Variants in DCAF5 observed in about 807,000 individuals in gnomAD.
DCAF5 encodes DDB1 and CUL4 associated factor 5, also known as DDB1- and CUL4-associated factor 5.
A neutral mutation model predicts 80.7 loss-of-function variants in DCAF5; 9 were observed. The observed-to-expected ratio is 0.11, with a 90% CI of 0.07 to 0.19. The LOEUF is 0.19. Ranked by LOEUF, DCAF5 falls within the 10% of genes least tolerant of loss-of-function variation. DCAF5 has a pLI of 1.00. For synonymous variants in DCAF5, 433 were observed against 461.9 expected (o/e 0.94, Z 0.80); for missense variants, 842 against 1,205.7 (o/e 0.70, Z 4.47).
chr14:69,149,102 G>A (rs959013741), intron 1 of DCAF5, among the ~76,000 whole-genome samples: 4 of 152,196 alleles, frequency 2.6e-5, no homozygotes, highest in African/African-American at 7.2e-5. Context: ...GAGGCCTGGC[G>A]CTCTGTTCAG....
At chr14:69,079,450 T>C (rs61267160) in intron 6 of DCAF5, among the ~76,000 whole-genome samples, 306 of 152,266 alleles carry the variant, frequency 2.0e-3, no homozygotes, top group African/African-American at 7.0e-3. Context: ...CAGCTAGGGA[T>C]GATTTTTAGG....
rs2037797223 is a variant in DCAF5 at position 69,052,594 on chromosome 14, C to T, written c.*1263G>A. Reference sequence around the variant, plus strand: ...TGAAAATCTGTTGCTCTTTTCTCTTCTAAACCTGTATCTACCTCAATAAAA... The same window carrying T: ...TGAAAATCTGTTGCTCTTTTCTCTTTTAAACCTGTATCTACCTCAATAAAA... On this transcript the variant is annotated 3_prime_UTR_variant, in exon 9 of 9. Transcript: ENST00000341516. 1 of 152,600 alleles carries T rather than the reference C, an allele frequency of 6.6e-6. No individual in the cohort carries two copies. Among genetic ancestry groups the T allele is most frequent in the Non-Finnish European group, 1.5e-5 (1 of 68,042 alleles). 9.5% of individuals were successfully genotyped at this position (152,600 alleles called of 1,614,324 possible).
chr14:69,118,135 C>T lies in DCAF5; in HGVS notation c.535+4G>A. 1 of 1,613,810 alleles carries T rather than the reference C, an allele frequency of 6.2e-7. No homozygotes were observed. Among genetic ancestry groups the T allele is most frequent in the Non-Finnish European group, 8.5e-7 (1 of 1,179,782 alleles). ...TCCAACAGTCATTTGCACAGTGAGC[C>T]TACCTCCATGGGGGGATTCCCGAAT... On this transcript the variant is annotated splice_donor_region_variant and intron_variant, in intron 4 of 8. Transcript: ENST00000341516. This position sits in a 1 kb window ranked among gnomAD's most constrained non-coding sequence, Gnocchi z 4.0.
At chr14:69,119,923 G>C (rs1003347298) in intron 2 of DCAF5, among the ~76,000 whole-genome samples, 3 of 152,112 alleles carry the variant, frequency 2.0e-5, no homozygotes, top group African/African-American at 7.2e-5. Context: ...TAGAGTAACT[G>C]TAAGCATAAG....
At chr14:69,078,928 T>C (rs1313491313) in intron 6 of DCAF5, among the ~76,000 whole-genome samples, 1 of 152,102 alleles carries the variant, frequency 6.6e-6, no homozygotes, top group African/African-American at 2.4e-5. Context: ...AGTGGTGCAA[T>C]CTCGGCTCAC....
Position 69,136,020 on chromosome 14 carries a change from C to T in DCAF5, c.215-13660G>A, listed in dbSNP as rs528332545. Among the ~76,000 whole-genome samples, 6 of 151,794 alleles carry T rather than the reference C, an allele frequency of 4.0e-5. No individual in the cohort carries two copies. In the South Asian group the frequency reaches 1.0e-3, roughly 26 times the overall value. ...TACATTGCAACTAATCTTTAAGAAA[C>T]TTCTACTTGTTTTGGTACAGTATTA... On this transcript the variant is annotated intron_variant, in intron 1 of 8. Coordinates refer to ENST00000341516, the MANE Select transcript of DCAF5 (RefSeq NM_003861.3).
intron 6 of DCAF5, among the ~76,000 whole-genome samples, chr14:69,077,962 G>C (rs984434023): frequency 6.6e-6 from 1 of 152,176 alleles, no homozygotes; most frequent in African/African-American, 2.4e-5. Flanking sequence ...CAAAATGAGA[G>C]AACTGGACTG....
intron 1 of DCAF5, 126 bp from the exon 2 acceptor site, chr14:69,122,486 G>C: frequency 9.9e-7 from 1 of 1,005,790 alleles, no homozygotes; most frequent in Non-Finnish European, 1.4e-6. Flanking sequence ...GATTCGCATG[G>C]AGCACAAAAA....
chr14:69,092,385 G>C (rs139932437), intron 5 of DCAF5, among the ~76,000 whole-genome samples: 1 of 152,190 alleles, frequency 6.6e-6, no homozygotes. Flanking sequence ...GGGAGTCTGA[G>C]GCAGGAGGAT....
intron 1 of DCAF5, among the ~76,000 whole-genome samples, chr14:69,131,155 T>G (rs1434295203): frequency 6.6e-6 from 1 of 152,198 alleles, no homozygotes; most frequent in East Asian, 1.9e-4. Flanking sequence ...ATACACAAAT[T>G]TATACATACA....
chr14:69,072,073 A>G (rs2038714971), intron 7 of DCAF5, among the ~76,000 whole-genome samples: 1 of 152,210 alleles, frequency 6.6e-6, no homozygotes, highest in Non-Finnish European at 1.5e-5. Context: ...AAAAGTCTTC[A>G]TATAGATCTG....
rs1336416909 is a variant in DCAF5, at chr14:69,054,902, C to T, written c.1784G>A (p.Arg595Gln). 14 of 1,614,050 alleles carry T rather than the reference C, an allele frequency of 8.7e-6. No homozygotes were observed. The highest frequency in any genetic ancestry group is 6.7e-5 in the Admixed American group (4 of 59,998). The stretch of plus-strand genomic sequence containing the variant: ...GATTGGGGCACTGGGCTTGTCTTCT[C>T]GGGTTGTCTTCTGTCGGCGCCGCAT... ...NAMRRRQKTT[R>Q]EDKPSAPIKP... The change falls in exon 9 of 9, where the codon CGA becomes CAA. Residue 595 changes from arginine (R) to glutamine (Q), a missense_variant. Physicochemically the swap from Arg to Gln is conservative, Grantham distance 43 (BLOSUM62 1). This residue lies in a region of DCAF5 where 607 missense variants were observed against 656.6 expected (regional missense o/e 0.92). Transcript: ENST00000341516.
chr14:69,123,518 T>A (rs2040788144), intron 1 of DCAF5, among the ~76,000 whole-genome samples: 1 of 151,964 alleles, frequency 6.6e-6, no homozygotes, highest in African/African-American at 2.4e-5. Flanking sequence ...GGTGGTAAAA[T>A]ATATATATAT....
chr14:69,145,879 T>G (rs1171391170), intron 1 of DCAF5, among the ~76,000 whole-genome samples: 1 of 152,248 alleles, frequency 6.6e-6, no homozygotes, highest in Non-Finnish European at 1.5e-5. Context: ...TAAAATTAAG[T>G]GCCATGTTTA....
chr14:69,124,406 T>C (rs907149129), intron 1 of DCAF5, among the ~76,000 whole-genome samples: 2 of 152,200 alleles, frequency 1.3e-5, no homozygotes, highest in Admixed American at 6.5e-5. Context: ...TTTCTTCTTA[T>C]AATAAAAAAT....
chr14:69,150,076 T>C (rs1036829328), intron 1 of DCAF5, among the ~76,000 whole-genome samples: 3 of 152,086 alleles, frequency 2.0e-5, no homozygotes, highest in African/African-American at 7.2e-5. Flanking sequence ...GGAAGGTAAA[T>C]AGCTAAAAAG....
intron 6 of DCAF5, among the ~76,000 whole-genome samples, chr14:69,085,884 T>C (rs2039298711): frequency 6.6e-6 from 1 of 152,196 alleles, no homozygotes; most frequent in African/African-American, 2.4e-5. Flanking sequence ...CATTGCTTGA[T>C]CTCTATAACA....
At chr14:69,137,021 TA>T (rs2041216127) in intron 1 of DCAF5, among the ~76,000 whole-genome samples, 1 of 152,238 alleles carries the variant, frequency 6.6e-6, no homozygotes, top group Non-Finnish European at 1.5e-5. Context: ...TCATCCTGAA[TA>T]AGTGGAATTA....
rs575827797 is a variant in DCAF5 at position 69,054,842 on chromosome 14, T to C, written c.1844A>G (p.Tyr615Cys). The C allele has an allele frequency of 1.9e-5, 30 of 1,614,174 alleles. No homozygotes were observed. The Admixed American group carries it at 4.2e-4, about 22-fold the overall frequency. The change falls in exon 9 of 9, where the codon TAT (tyrosine) becomes TGT (cysteine). Residue 615 changes from tyrosine (Y) to cysteine (C), a missense_variant. By Grantham distance (194) the Tyr-to-Cys change is radical. Around this residue, in one of 5 missense-constraint regions of DCAF5, gnomAD observed 607 missense variants for 656.6 expected, o/e 0.92. Coordinates refer to ENST00000341516, the MANE Select transcript of DCAF5 (RefSeq NM_003861.3). ...PTNTYIGEDN[Y>C]DYPQIKVDDL... ...ATCCACTTTGATCTGGGGGTAATCA[T>C]AGTTGTCTTCTCCAATGTAAGTGTT... is the stretch of plus-strand genomic sequence containing the variant.
Sources: gnomAD v4.1 joint callset for allele counts (sites outside exome capture counted in the v4.1 genomes callset) on GRCh38, gnomAD v4.1.1 for gene constraint, gnomAD v4.1.1 regional missense constraint, Gnocchi (gnomAD v3.1) non-coding constraint, MANE v1.5 for transcripts, NCBI Gene and HGNC (gene_info 2026-07-23, HGNC 2026-07-21) for gene names.